Variants in SLC71A1 observed in about 807,000 individuals in gnomAD.
SLC71A1 encodes the protein hippocampus abundant gene transcript 1.
the SLC71A1 span, among the ~76,000 whole-genome samples, chr1:100,052,789 GT>G: frequency 6.8e-6 from 1 of 146,526 alleles, no homozygotes; most frequent in Non-Finnish European, 1.5e-5. Context: ...TATTTTGTTT[GT>G]TTGTGTATTT....
the SLC71A1 span, among the ~76,000 whole-genome samples, chr1:100,056,469 G>C: frequency 1.3e-5 from 2 of 152,194 alleles, no homozygotes; most frequent in Non-Finnish European, 2.9e-5. Context: ...AAATTAGCCA[G>C]GCATGGTGGT....
the SLC71A1 span, chr1:100,058,824 AAT>A: frequency 1.6e-4 from 98 of 624,818 alleles, 1 homozygote; most frequent in East Asian, 6.6e-4. Context: ...TAACTATGCG[AAT>A]ATATGTTTGT....
At chr1:100,068,373 C>T in the SLC71A1 span, 3 of 936,798 alleles carry the variant, frequency 3.2e-6, no homozygotes, top group Middle Eastern at 2.2e-4. Flanking sequence ...AACTAGTTGT[C>T]CATGAGTACA....
chr1:100,056,779 A>G, the SLC71A1 span, among the ~76,000 whole-genome samples: 1 of 152,098 alleles, frequency 6.6e-6, no homozygotes, highest in Admixed American at 6.5e-5. Context: ...TGTTTTCCTT[A>G]GTGATTGTAC....
At chr1:100,070,742 A>G in the SLC71A1 span, among the ~76,000 whole-genome samples, 1 of 152,066 alleles carries the variant, frequency 6.6e-6, no homozygotes, top group South Asian at 2.1e-4. Context: ...CTTTCTTGCT[A>G]TTTGGCTTTC....
the SLC71A1 span, chr1:100,081,938 AT>A: frequency 8.3e-7 from 1 of 1,206,900 alleles, no homozygotes. Context: ...ACTAAAAGGT[AT>A]GTAGTTTCTC....
the SLC71A1 span, among the ~76,000 whole-genome samples, chr1:100,072,562 G>A: frequency 1.3e-5 from 2 of 150,086 alleles, no homozygotes; most frequent in Non-Finnish European, 3.0e-5. Context: ...AAAGGTCATT[G>A]GTTTTTTTCC....
At chr1:100,059,142 G>A in the SLC71A1 span, among the ~76,000 whole-genome samples, 2 of 96,822 alleles carry the variant, frequency 2.1e-5, no homozygotes, top group East Asian at 4.9e-4. Flanking sequence ...TTTCTTTTTC[G>A]TGTTTTTTTT....
chr1:100,038,183 C>T, the SLC71A1 span: 1 of 1,497,516 alleles, frequency 6.7e-7, no homozygotes. Flanking sequence ...CTGCTGGGGC[C>T]TGCCGCCCCG....
chr1:100,078,454 G>A, the SLC71A1 span: 1 of 1,609,084 alleles, frequency 6.2e-7, no homozygotes. Flanking sequence ...CTTATAGGAT[G>A]ATGTGGGCTG....
chr1:100,077,079 A>G, the SLC71A1 span: 1 of 653,192 alleles, frequency 1.5e-6, no homozygotes, highest in African/African-American at 1.9e-5. Context: ...ATTGTAGAAA[A>G]GTGCCAATAG....
chr1:100,076,401 T>G, the SLC71A1 span, among the ~76,000 whole-genome samples: 1 of 152,224 alleles, frequency 6.6e-6, no homozygotes, highest in African/African-American at 2.4e-5. Context: ...TGAACTTTGT[T>G]GACTTTGAAA....
the SLC71A1 span, among the ~76,000 whole-genome samples, chr1:100,070,421 A>G: frequency 2.6e-5 from 4 of 152,206 alleles, no homozygotes; most frequent in African/African-American, 4.8e-5. Context: ...TCCAAGAGGT[A>G]GTGAGGGACC....
chr1:100,065,966 CCTGA>C, the SLC71A1 span, among the ~76,000 whole-genome samples: 5 of 152,084 alleles, frequency 3.3e-5, no homozygotes, highest in African/African-American at 1.2e-4. Context: ...TGCCACCTCA[CCTGA>C]CTAAGAGTGC....
chr1:100,079,678 C>T, the SLC71A1 span: 7,465 of 152,268 alleles, frequency 0.049, 209 homozygotes, highest in African/African-American at 0.069. Context: ...GTCAGGAGTT[C>T]GAGATCAGCC....
chr1:100,049,283 A>AT, the SLC71A1 span, among the ~76,000 whole-genome samples: 1 of 144,106 alleles, frequency 6.9e-6, no homozygotes, highest in African/African-American at 2.5e-5. Context: ...AGCCATGTTG[A>AT]TATCGTGTTT....
chr1:100,061,091 G>A, the SLC71A1 span, among the ~76,000 whole-genome samples: 2 of 152,074 alleles, frequency 1.3e-5, no homozygotes, highest in African/African-American at 2.4e-5. Context: ...GTTAAGCAGT[G>A]TGTTAGAAAA....
At chr1:100,078,114 T>C in the SLC71A1 span, among the ~76,000 whole-genome samples, 2 of 152,244 alleles carry the variant, frequency 1.3e-5, no homozygotes, top group Admixed American at 1.3e-4. Flanking sequence ...CTTCATGTGT[T>C]TGGAAATATT....
the SLC71A1 span, among the ~76,000 whole-genome samples, chr1:100,076,049 G>C: frequency 6.6e-6 from 1 of 152,052 alleles, no homozygotes; most frequent in Admixed American, 6.5e-5. Context: ...TTCTGGTTTG[G>C]TTGCCGAAGA....
Sources: allele counts gnomAD v4.1 joint callset (sites outside exome capture counted in the v4.1 genomes callset), GRCh38; gene constraint gnomAD v4.1.1; transcripts MANE v1.5; gene names NCBI Gene and HGNC (gene_info 2026-07-23, HGNC 2026-07-21).